LRRC4C: variants seen among roughly 807,000 people sequenced by gnomAD.
LRRC4C encodes the protein leucine rich repeat containing 4C.
Under a neutral mutation model 33.6 loss-of-function variants are expected in LRRC4C, and 5 were observed. That is an observed-to-expected ratio of 0.15 (90% confidence interval 0.08 to 0.31). The LOEUF is 0.31. Ranked by LOEUF, LRRC4C falls within the 10% of genes least tolerant of loss-of-function variation. LRRC4C has a pLI of 1.00. For missense variants in LRRC4C, 560 were observed against 796.7 expected (o/e 0.70, Z 3.58); for synonymous variants, 329 against 302.0 (o/e 1.09, Z -0.93).
At chr11:41,018,183 C>T (rs986842055) in intron 1 of LRRC4C, among the ~76,000 whole-genome samples, 16 of 152,004 alleles carry the variant, frequency 1.1e-4, no homozygotes, top group Non-Finnish European at 2.1e-4. Flanking sequence ...AAAATCTTCC[C>T]TGCCCCAAAT....
chr11:40,349,394 A>T (rs1300572732), intron 3 of LRRC4C, among the ~76,000 whole-genome samples: 4 of 143,276 alleles, frequency 2.8e-5, no homozygotes, highest in Non-Finnish European at 6.2e-5. Context: ...TGCAAATGAC[A>T]GAATCTCATT....
At chr11:40,952,885 CACACACACA>C in intron 1 of LRRC4C, among the ~76,000 whole-genome samples, 1 of 83,756 alleles carries the variant, frequency 1.2e-5, no homozygotes, top group African/African-American at 3.7e-5. Context: ...CACACACACA[CACACACACA>C]CACTCTCTCT....
chr11:41,213,764 G>C (rs1007747454), intron 1 of LRRC4C, among the ~76,000 whole-genome samples: 1 of 152,144 alleles, frequency 6.6e-6, no homozygotes, highest in Non-Finnish European at 1.5e-5. Context: ...TCTTCTCTTT[G>C]AATTACTCCA....
intron 1 of LRRC4C, among the ~76,000 whole-genome samples, chr11:41,352,365 A>G (rs577344072): frequency 1.3e-5 from 2 of 152,194 alleles, no homozygotes; most frequent in Non-Finnish European, 2.9e-5. Flanking sequence ...CCAAATTTAT[A>G]ATATAGGTTG....
At chr11:40,572,298 T>C (rs1051155375) in intron 3 of LRRC4C, among the ~76,000 whole-genome samples, 4 of 152,166 alleles carry the variant, frequency 2.6e-5, no homozygotes, top group Non-Finnish European at 5.9e-5. Flanking sequence ...TTAGATGCCA[T>C]AATTAGGCCC....
intron 2 of LRRC4C, among the ~76,000 whole-genome samples, chr11:40,823,195 C>T (rs1348269945): frequency 6.6e-6 from 1 of 151,690 alleles, no homozygotes; most frequent in African/African-American, 2.4e-5. Context: ...CAACCATACA[C>T]CTAATTGTAA....
At chr11:41,293,504 T>A (rs1003751433) in intron 1 of LRRC4C, among the ~76,000 whole-genome samples, 1 of 152,130 alleles carries the variant, frequency 6.6e-6, no homozygotes. Flanking sequence ...TAGGTTAATA[T>A]CACACACTTT....
chr11:41,242,457 T>C (rs1266708514), intron 1 of LRRC4C, among the ~76,000 whole-genome samples: 1 of 152,126 alleles, frequency 6.6e-6, no homozygotes, highest in African/African-American at 2.4e-5. Flanking sequence ...TTATGAGAGA[T>C]GGATGGCACC....
At chr11:41,398,804 CT>C (rs1953918367) in intron 1 of LRRC4C, among the ~76,000 whole-genome samples, 1 of 151,858 alleles carries the variant, frequency 6.6e-6, no homozygotes, top group Admixed American at 6.6e-5. Context: ...ACTTATCAAG[CT>C]GTAAATTATT....
intron 6 of LRRC4C, among the ~76,000 whole-genome samples, chr11:40,130,499 A>C (rs1415134124): frequency 6.6e-6 from 1 of 152,172 alleles, no homozygotes; most frequent in Non-Finnish European, 1.5e-5. Context: ...GTAACAACAC[A>C]TGGGAGCCTA....
intron 3 of LRRC4C, among the ~76,000 whole-genome samples, chr11:40,396,402 T>A (rs1027544498): frequency 4.6e-5 from 7 of 152,080 alleles, no homozygotes; most frequent in Admixed American, 4.6e-4. Flanking sequence ...TGGGGCATAA[T>A]GTCCCTTTTA....
At chr11:40,212,950 T>C (rs1863712262) in intron 5 of LRRC4C, among the ~76,000 whole-genome samples, 1 of 151,996 alleles carries the variant, frequency 6.6e-6, no homozygotes, top group Admixed American at 6.6e-5. Flanking sequence ...TAAAGGAAAC[T>C]AGAAAATGAT....
intron 1 of LRRC4C, among the ~76,000 whole-genome samples, chr11:40,969,537 A>C (rs1025243012): frequency 5.9e-5 from 9 of 152,164 alleles, no homozygotes; most frequent in Admixed American, 5.2e-4. Flanking sequence ...TTCTTTTAAA[A>C]AATTACCTTA....
At chr11:40,224,531 A>T (rs1165321997) in intron 5 of LRRC4C, among the ~76,000 whole-genome samples, 1 of 152,238 alleles carries the variant, frequency 6.6e-6, no homozygotes, top group Non-Finnish European at 1.5e-5. Flanking sequence ...TAGACTCAAG[A>T]TAAACCATAT....
intron 2 of LRRC4C, among the ~76,000 whole-genome samples, chr11:40,848,496 G>A (rs762511675): frequency 4.6e-5 from 7 of 152,146 alleles, no homozygotes; most frequent in Non-Finnish European, 1.0e-4. Context: ...TCATTGCACT[G>A]AGGTCTGAGA....
At chr11:40,805,094 C>T (rs1288935919) in intron 2 of LRRC4C, among the ~76,000 whole-genome samples, 1 of 152,180 alleles carries the variant, frequency 6.6e-6, no homozygotes, top group Non-Finnish European at 1.5e-5. Context: ...TCATGTCCAA[C>T]AATGAAGCCT....
chr11:40,396,658 A>G (rs1157619290), intron 3 of LRRC4C, among the ~76,000 whole-genome samples: 1 of 152,166 alleles, frequency 6.6e-6, no homozygotes, highest in Non-Finnish European at 1.5e-5. Context: ...ATATCACAGC[A>G]TGGTGATATT....
At chr11:40,522,534 A>G (rs1459462104) in intron 3 of LRRC4C, among the ~76,000 whole-genome samples, 1 of 152,198 alleles carries the variant, frequency 6.6e-6, no homozygotes, top group Non-Finnish European at 1.5e-5. Context: ...TGGTTTTACC[A>G]CTTTCCACAT....
intron 3 of LRRC4C, among the ~76,000 whole-genome samples, chr11:40,377,156 T>C (rs1287627536): frequency 6.6e-6 from 1 of 152,036 alleles, no homozygotes. Flanking sequence ...GGGGCTCGGG[T>C]TGATTATCTT....
Sources: gnomAD v4.1 joint callset for allele counts (sites outside exome capture counted in the v4.1 genomes callset) on GRCh38, gnomAD v4.1.1 for gene constraint, MANE v1.5 for transcripts, NCBI Gene and HGNC (gene_info 2026-07-23, HGNC 2026-07-21) for gene names.